Variants in PCDH19 observed in about 807,000 individuals in gnomAD.
The protein encoded by PCDH19 is protocadherin 19.
A neutral mutation model predicts 46.2 loss-of-function variants in PCDH19; 6 were observed. The ratio of observed to expected loss-of-function variants is 0.13; its 90% CI spans 0.07 to 0.26. The LOEUF (loss-of-function observed/expected upper bound fraction) is 0.26. Among genes scored for constraint, PCDH19 ranks in the 10% least tolerant of loss-of-function variants. The pLI, the probability that PCDH19 is intolerant of heterozygous loss-of-function variation, is 1.00. For missense variants in PCDH19, 740 were observed against 972.3 expected, an observed-to-expected ratio of 0.76 and a Z score of 3.18; for synonymous variants, 481 against 415.7, an observed-to-expected ratio of 1.16 and a Z score of -1.91.
At chrX:100,390,706 T>G (rs1223209193) in intron 3 of PCDH19, among the ~76,000 whole-genome samples, 1 of 111,973 alleles carries the variant, frequency 8.9e-6, no homozygotes, top group African/African-American at 3.2e-5. Flanking sequence ...TACCACATTT[T>G]TGGCTCTTAA....
At chrX:100,316,636 T>G (rs1441091142) in intron 5 of PCDH19, among the ~76,000 whole-genome samples, 1 of 112,026 alleles carries the variant, frequency 8.9e-6, no homozygotes, top group African/African-American at 3.2e-5. Context: ...TAATTGTGGG[T>G]GGAGGAACAA....
intron 3 of PCDH19, among the ~76,000 whole-genome samples, chrX:100,375,728 G>A (rs1158045778): frequency 1.8e-5 from 2 of 111,765 alleles, no homozygotes; most frequent in Non-Finnish European, 3.8e-5. Flanking sequence ...TTAAAGACAA[G>A]CCTCGGAAAA....
chrX:100,346,280 G>A (rs899804267), intron 4 of PCDH19, among the ~76,000 whole-genome samples: 3 of 112,355 alleles, frequency 2.7e-5, no homozygotes, highest in African/African-American at 9.7e-5. Flanking sequence ...GACTCAGAAT[G>A]GAAACAGGTT....
intron 3 of PCDH19, among the ~76,000 whole-genome samples, chrX:100,363,193 A>G (rs1301416881): frequency 9.1e-6 from 1 of 110,357 alleles, no homozygotes; most frequent in African/African-American, 3.3e-5. Flanking sequence ...AATCCCAGCT[A>G]CGCGGGAGGC....
At chrX:100,372,585 G>A (rs1043276878) in intron 3 of PCDH19, among the ~76,000 whole-genome samples, 1 of 112,482 alleles carries the variant, frequency 8.9e-6, no homozygotes, top group African/African-American at 3.2e-5. Context: ...GAATTTTATG[G>A]GTCAGCCAGA....
intron 5 of PCDH19, among the ~76,000 whole-genome samples, chrX:100,304,014 A>T (rs985432199): frequency 2.2e-4 from 25 of 112,444 alleles, no homozygotes; most frequent in Admixed American, 2.2e-3. Flanking sequence ...TACATGCATT[A>T]AAAAATGCCT....
At chrX:100,339,561 A>G (rs958270993) in intron 5 of PCDH19, among the ~76,000 whole-genome samples, 1 of 112,396 alleles carries the variant, frequency 8.9e-6, no homozygotes, top group African/African-American at 3.2e-5. Flanking sequence ...ATGCTATGAA[A>G]TGTTAATTGT....
chrX:100,385,083 TG>T (rs1175348201), intron 3 of PCDH19, among the ~76,000 whole-genome samples: 2 of 103,743 alleles, frequency 1.9e-5, no homozygotes, highest in Non-Finnish European at 3.9e-5. Context: ...CGCTTGAACC[TG>T]GAAGGTGGAG....
chrX:100,405,626 C>T (rs1928324356), intron 1 of PCDH19, among the ~76,000 whole-genome samples: 1 of 99,911 alleles, frequency 1.0e-5, no homozygotes. Flanking sequence ...AACTGTAACA[C>T]AATAGCCCAC....
At chrX:100,317,119 T>C (rs1925333514) in intron 5 of PCDH19, among the ~76,000 whole-genome samples, 1 of 111,573 alleles carries the variant, frequency 9.0e-6, no homozygotes, top group Non-Finnish European at 1.9e-5. Context: ...CCATCTTCAC[T>C]TCTGACTCTA....
At chrX:100,364,106 A>C (rs1269436990) in intron 3 of PCDH19, among the ~76,000 whole-genome samples, 1 of 110,704 alleles carries the variant, frequency 9.0e-6, no homozygotes, top group Non-Finnish European at 1.9e-5. Context: ...GAGTGAGGGA[A>C]CCTCATGCCA....
intron 3 of PCDH19, among the ~76,000 whole-genome samples, chrX:100,367,559 C>T (rs893842729): frequency 1.8e-5 from 2 of 111,519 alleles, no homozygotes; most frequent in Non-Finnish European, 3.8e-5. Context: ...TTTCTCTGGA[C>T]GGGAGGAACA....
At chrX:100,383,441 G>C (rs185843642) in intron 3 of PCDH19, among the ~76,000 whole-genome samples, 1 of 112,168 alleles carries the variant, frequency 8.9e-6, no homozygotes, top group Non-Finnish European at 1.9e-5. Context: ...AAGAGCTCTC[G>C]TATGTACTCT....
rs770673239 is a variant in PCDH19, at chrX:100,406,735, A to G, written c.1863T>C (p.Asn621=). 2.4e-5 allele frequency: 29 copies of G among 1,209,822 alleles called. No homozygotes were observed. In the South Asian group the frequency reaches 4.6e-4, roughly 19 times the overall value. ...AGGTGCGGGTGGTTCTGACTTCGCCATTGACCTGGTCTATTTCAAAGAAGC... is the reference window on the plus strand; with the variant it reads ...AGGTGCGGGTGGTTCTGACTTCGCCGTTGACCTGGTCTATTTCAAAGAAGC... ...DRGFFEIDQV[N]GEVRTTRTFG... The change falls in exon 1 of 6, where the codon AAT becomes AAC. Residue 621 remains asparagine, a synonymous_variant. Transcript: ENST00000373034.
intron 5 of PCDH19, among the ~76,000 whole-genome samples, chrX:100,319,743 C>T (rs1439967821): frequency 3.6e-5 from 4 of 112,082 alleles, no homozygotes; most frequent in African/African-American, 1.3e-4. Context: ...GCTAGTAGTC[C>T]TGAACTAATG....
intron 2 of PCDH19, 83 bp downstream of exon 2, chrX:100,403,441 C>T: frequency 9.5e-7 from 1 of 1,052,973 alleles, no homozygotes; most frequent in South Asian, 1.9e-5. Context: ...GCCCGGTTCC[C>T]TTTTACTCAC....
intron 5 of PCDH19, among the ~76,000 whole-genome samples, chrX:100,335,697 T>C (rs1038893527): frequency 4.5e-5 from 5 of 111,817 alleles, no homozygotes; most frequent in African/African-American, 1.6e-4. Context: ...AGTAAAAAGA[T>C]AACAACTTTT....
At chrX:100,324,357 A>T (rs1295826303) in intron 5 of PCDH19, among the ~76,000 whole-genome samples, 1 of 111,789 alleles carries the variant, frequency 8.9e-6, no homozygotes, top group Non-Finnish European at 1.9e-5. Flanking sequence ...CCAAAGAAGG[A>T]ATGCCAAAGG....
At chrX:100,377,347 G>A (rs1488184634) in intron 3 of PCDH19, among the ~76,000 whole-genome samples, 1 of 111,514 alleles carries the variant, frequency 9.0e-6, no homozygotes, top group Admixed American at 9.5e-5. Flanking sequence ...TGCCTTCTAA[G>A]GTGCTTTAAA....
Sources: allele counts gnomAD v4.1 joint callset (sites outside exome capture counted in the v4.1 genomes callset), GRCh38; gene constraint gnomAD v4.1.1; transcripts MANE v1.5; gene names NCBI Gene and HGNC (gene_info 2026-07-23, HGNC 2026-07-21).